Variants in POLR1H observed in about 807,000 individuals in gnomAD.
POLR1H encodes RNA polymerase I subunit H, also known as DNA-directed RNA polymerase I subunit RPA12.
POLR1H carries 5 observed loss-of-function variants against 15.8 expected under a neutral mutation model. That is an observed-to-expected ratio of 0.32 (90% CI 0.17 to 0.67). POLR1H has a LOEUF of 0.67. POLR1H is among the 30% of genes least tolerant of loss of function. POLR1H has a pLI of 0.74. For synonymous variants in POLR1H, 43 were observed against 58.3 expected (o/e 0.74, Z 1.20); for missense variants, 100 against 163.4 (o/e 0.61, Z 2.11).
chr6:30,064,142 T>C (rs1046826214), intron 3 of POLR1H, among the ~76,000 whole-genome samples: 1 of 152,218 alleles, frequency 6.6e-6, no homozygotes, highest in Non-Finnish European at 1.5e-5. Context: ...TAGTTTTAAC[T>C]TCCCTGTCTG....
In POLR1H at chr6:30,062,427, G is replaced by A. The variant is rs149510733; in HGVS notation, c.356+94G>A. 7.1e-5 allele frequency: 57 copies of A among 802,028 alleles called. No individual in the cohort carries two copies. The East Asian group carries it at 1.5e-3, about 21-fold the overall frequency. The allele number at this position is 802,028 out of a possible 1,614,324, so 49.7% of individuals were successfully genotyped here. ...TTGTACGAAATGGCCGTTTCCCTTG[G>A]TCCCATCCCTTATTTCTGTGCAGTT... On this transcript the variant is annotated intron_variant, in intron 3 of 3. Transcript: ENST00000332435.
At position 30,061,518 on chromosome 6, in the gene POLR1H, C is replaced by T. The variant is rs754880615; in HGVS notation, c.-7C>T. The T allele has an allele frequency of 6.2e-7, 1 of 1,612,936 alleles. No homozygotes were observed. Among genetic ancestry groups the T allele is most frequent in the Non-Finnish European group, 8.5e-7 (1 of 1,179,940 alleles). On this transcript the variant is annotated 5_prime_UTR_variant, in exon 1 of 4. Coordinates refer to ENST00000332435, the MANE Select transcript of POLR1H (RefSeq NM_170783.4). This position sits in a 1 kb window ranked among gnomAD's most constrained non-coding sequence, Gnocchi z 5.0. ...AAACTTCCAACTCCCTCCTCAGACC[C>T]GACCGCATGTCTGTCATGGACCTCG...
rs1258158740 is a variant in POLR1H at position 30,063,907 on chromosome 6, CTCTT to C, written c.357-762_357-759del. Among the ~76,000 whole-genome samples, 1 of 152,196 alleles carries C rather than the reference CTCTT, an allele frequency of 6.6e-6. No homozygotes were observed. Among genetic ancestry groups the C allele is most frequent in the Non-Finnish European group, 1.5e-5 (1 of 68,042 alleles). ...AGAAATTCTCAGGAGAGAGTTTTCT[CTCTT>C]TCTACCTACTGAGACAGTCAAATTC... On this transcript the variant is annotated intron_variant, in intron 3 of 3. Coordinates refer to ENST00000332435, the MANE Select transcript of POLR1H (RefSeq NM_170783.4). The surrounding 1 kb of genome is among the most constrained non-coding windows in gnomAD (Gnocchi z 4.1).
Position 30,061,953 on chromosome 6 carries a change from T to A in POLR1H, c.182T>A (p.Phe61Tyr). The change falls in exon 2 of 4, where the codon TTC (phenylalanine) becomes TAC (tyrosine). Residue 61 changes from phenylalanine (F) to tyrosine (Y), a missense_variant. Physicochemically the swap from Phe to Tyr is conservative, Grantham distance 22. This residue lies in a region of POLR1H where 87 missense variants were observed against 119.8 expected (regional missense o/e 0.73). Coordinates refer to ENST00000332435, the MANE Select transcript of POLR1H (RefSeq NM_170783.4). This position sits in a 1 kb window ranked among gnomAD's most constrained non-coding sequence, Gnocchi z 5.0. ...EGKVVKTSVV[F>Y]HQLGTAMPMS... ...AAGGTTGTGAAGACTTCGGTTGTGT[T>A]CCACCAACTGGGGACAGCCATGCCT... 6.2e-7 allele frequency: 1 copy of A among 1,613,060 alleles called. No individual in the cohort carries two copies. Among genetic ancestry groups the A allele is most frequent in the Non-Finnish European group, 8.5e-7 (1 of 1,180,014 alleles).
chr6:30,062,714 C>CCTTTTTTTTTTTTTTTTT lies in POLR1H; in HGVS notation c.356+381_356+382insCTTTTTTTTTTTTTTTTT, dbSNP rs749507630. 5.7e-4 allele frequency among the ~76,000 whole-genome samples: 24 copies of CCTTTTTTTTTTTTTTTTT among 42,392 alleles called. 3 individuals carry two copies. Among genetic ancestry groups the CCTTTTTTTTTTTTTTTTT allele is most frequent in the African/African-American group, 1.6e-3 (16 of 9,848 alleles). The allele number at this position is 42,392 out of a possible 152,430, so 27.8% of individuals were successfully genotyped here. On this transcript the variant is annotated intron_variant, in intron 3 of 3. Transcript: ENST00000332435. ...CACAGACACATGCCACCACGCCTGGCTTTTTTTTTTTTTTTTTTTTTTTTT... is the reference window on the plus strand; with the variant it reads ...CACAGACACATGCCACCACGCCTGGCCTTTTTTTTTTTTTTTTTTTTTTTTTTTTTTTTTTTTTTTTTT...
rs1765260590 is a variant in POLR1H at position 30,063,253 on chromosome 6, C to A, written c.356+920C>A. ...CACATTCTGGACCTCGAATTAGTTA[C>A]TAGAAAGAGGTTTCTCTCTTCTGTC... is the stretch of plus-strand genomic sequence containing the variant. On this transcript the variant is annotated intron_variant, in intron 3 of 3. Coordinates refer to ENST00000332435, the MANE Select transcript of POLR1H (RefSeq NM_170783.4). The surrounding 1 kb of genome is among the most constrained non-coding windows in gnomAD (Gnocchi z 4.1). Among the ~76,000 whole-genome samples, 1 of 152,100 alleles carries A rather than the reference C, an allele frequency of 6.6e-6. No individual in the cohort carries two copies.
Position 30,064,756 on chromosome 6 carries a change from G to C in POLR1H, c.*59G>C. The C allele has an allele frequency of 6.7e-7, 1 of 1,483,696 alleles. No individual in the cohort carries two copies. The allele number at this position is 1,483,696 out of a possible 1,614,324, so 91.9% of individuals were successfully genotyped here. The stretch of plus-strand genomic sequence containing the variant: ...CCTTTCGGAAGGTGAAGGATACTGG[G>C]TTTTTAGATGCCTTGTCCATCCTGT... On this transcript the variant is annotated 3_prime_UTR_variant, in exon 4 of 4. Coordinates refer to ENST00000332435, the MANE Select transcript of POLR1H (RefSeq NM_170783.4).
chr6:30,060,552 TG>T (rs1203487810), upstream of POLR1H: 1 of 152,228 alleles, frequency 6.6e-6, no homozygotes, highest in African/African-American at 2.4e-5. Context: ...TCTTGACTAC[TG>T]CTAGCCTCAC....
At chr6:30,062,043 C>T (rs1765123040) in intron 2 of POLR1H, 26 bp downstream of exon 2, 3 of 1,599,702 alleles carry the variant, frequency 1.9e-6, no homozygotes, top group African/African-American at 2.7e-5. Flanking sequence ...CAAGAACTGG[C>T]TCCATAAGGT....
At chr6:30,062,724 T>C (rs1295522967) in intron 3 of POLR1H, among the ~76,000 whole-genome samples, 2 of 108,860 alleles carry the variant, frequency 1.8e-5, no homozygotes, top group African/African-American at 3.5e-5. Context: ...CTTTTTTTTT[T>C]TTTTTTTTTT....
In POLR1H at chr6:30,061,833, C is replaced by T; in HGVS notation, c.146-84C>T. ...AGGGAAAGGATGTAGGGCCTCCTGG[C>T]CTAACCAGCCAGGGGAAAGGGGAGG... On this transcript the variant is annotated intron_variant, in intron 1 of 3. Coordinates refer to ENST00000332435, the MANE Select transcript of POLR1H (RefSeq NM_170783.4). This position sits in a 1 kb window ranked among gnomAD's most constrained non-coding sequence, Gnocchi z 5.0. 1 of 1,564,060 alleles carries T rather than the reference C, an allele frequency of 6.4e-7. No individual in the cohort carries two copies. The highest frequency in any genetic ancestry group is 8.8e-7 in the Non-Finnish European group (1 of 1,140,876).
At position 30,061,896 on chromosome 6, in the gene POLR1H, A is replaced by G; in HGVS notation, c.146-21A>G. 6.2e-7 allele frequency: 1 copy of G among 1,611,642 alleles called. No homozygotes were observed. The highest frequency in any genetic ancestry group is 8.5e-7 in the Non-Finnish European group (1 of 1,178,756). ...GCTCTCTCTGGTTGTCTCCATAACC[A>G]GTTCTTACTTGCCTGTGCAGACTTT... On this transcript the variant is annotated intron_variant, in intron 1 of 3. Coordinates refer to ENST00000332435, the MANE Select transcript of POLR1H (RefSeq NM_170783.4). The surrounding 1 kb of genome is among the most constrained non-coding windows in gnomAD (Gnocchi z 5.0).
rs977604043 is a variant in POLR1H, at chr6:30,063,400, T to C, written c.356+1067T>C. On this transcript the variant is annotated intron_variant, in intron 3 of 3. Coordinates refer to ENST00000332435, the MANE Select transcript of POLR1H (RefSeq NM_170783.4). This position sits in a 1 kb window ranked among gnomAD's most constrained non-coding sequence, Gnocchi z 4.1. ...TTCTGTCTTCAGTTTATTTCAAGTA[T>C]TATTATTTTTTACTATTGTTATTAT... Among the ~76,000 whole-genome samples, 1 of 151,936 alleles carries C rather than the reference T, an allele frequency of 6.6e-6. No individual in the cohort carries two copies. Among genetic ancestry groups the C allele is most frequent in the Non-Finnish European group, 1.5e-5 (1 of 67,978 alleles).
chr6:30,062,362 A>C, intron 3 of POLR1H, 29 bp downstream of exon 3: 1 of 1,469,172 alleles, frequency 6.8e-7, no homozygotes, highest in Non-Finnish European at 9.5e-7. Flanking sequence ...CCCTCTGCTC[A>C]GTCTGTTTGC....
At chr6:30,060,788 G>C (rs530305918), upstream of POLR1H, 1 of 152,186 alleles carries the variant, frequency 6.6e-6, no homozygotes, top group African/African-American at 2.4e-5. Flanking sequence ...GGCCGGTTGC[G>C]AGCTGCAGAA....
chr6:30,061,118 G>GT (rs1485256369), upstream of POLR1H: 1 of 168,600 alleles, frequency 5.9e-6, no homozygotes, highest in African/African-American at 2.4e-5. This position sits in a 1 kb window ranked among gnomAD's most constrained non-coding sequence, Gnocchi z 5.0. Context: ...GGTGAAAGTG[G>GT]AGACGCAATC....
At chr6:30,060,997 T>C (rs1164567096), upstream of POLR1H, 1 of 152,806 alleles carries the variant, frequency 6.5e-6, no homozygotes, top group Non-Finnish European at 1.5e-5. Context: ...ACTGCGTTCC[T>C]GTAGGATGTG....
At chr6:30,062,714 C>CT (rs9278555) in intron 3 of POLR1H, among the ~76,000 whole-genome samples, 533 of 42,328 alleles carry the variant, frequency 0.013, 64 homozygotes, top group African/African-American at 0.037. Context: ...CCACGCCTGG[C>CT]TTTTTTTTTT....
In POLR1H at chr6:30,064,096, G is replaced by T. The variant is rs148532431; in HGVS notation, c.357-577G>T. Among the ~76,000 whole-genome samples the T allele has an allele frequency of 2.0e-3, 303 of 152,174 alleles. 1 individual carries two copies. The highest frequency in any genetic ancestry group is 6.6e-3 in the African/African-American group (275 of 41,522). The stretch of plus-strand genomic sequence containing the variant: ...AGTGACTGTCAAAACAGTATAAAGG[G>T]CACCATAGTGTCACTGTCACGTTTC... On this transcript the variant is annotated intron_variant, in intron 3 of 3. Coordinates refer to ENST00000332435, the MANE Select transcript of POLR1H (RefSeq NM_170783.4).
Sources: allele counts gnomAD v4.1 joint callset (sites outside exome capture counted in the v4.1 genomes callset), GRCh38; gene constraint gnomAD v4.1.1; regional missense constraint gnomAD v4.1.1; non-coding constraint Gnocchi (gnomAD v3.1); transcripts MANE v1.5; gene names NCBI Gene and HGNC (gene_info 2026-07-23, HGNC 2026-07-21).